TUNAR: variants seen among roughly 807,000 people sequenced by gnomAD.
TUNAR encodes protein TUNAR.
intron 2 of TUNAR, among the ~76,000 whole-genome samples, chr14:95,919,133 G>A (rs148535679): frequency 1.1e-3 from 168 of 152,282 alleles, no homozygotes; most frequent in African/African-American, 3.9e-3. Context: ...GACTTCTCAT[G>A]ACTTTGTGCA....
intron 2 of TUNAR, among the ~76,000 whole-genome samples, chr14:95,913,870 C>G (rs1293712390): frequency 1.3e-5 from 2 of 152,156 alleles, no homozygotes; most frequent in African/African-American, 4.8e-5. Flanking sequence ...GTAGCTGGGA[C>G]TACAGGTGCC....
chr14:95,886,365 C>A (rs1316593197), intron 2 of TUNAR, among the ~76,000 whole-genome samples: 1 of 152,214 alleles, frequency 6.6e-6, no homozygotes, highest in Non-Finnish European at 1.5e-5. Context: ...ACAAAGGGAA[C>A]ATGAAGAAGG....
At chr14:95,907,688 G>T (rs889591378) in intron 2 of TUNAR, among the ~76,000 whole-genome samples, 2 of 152,186 alleles carry the variant, frequency 1.3e-5, no homozygotes, top group African/African-American at 2.4e-5. Context: ...ATCCCATTGA[G>T]CGTACAGCTC....
At chr14:95,900,275 G>A (rs536182521) in intron 2 of TUNAR, among the ~76,000 whole-genome samples, 134 of 152,348 alleles carry the variant, frequency 8.8e-4, no homozygotes, top group Middle Eastern at 3.4e-3. Flanking sequence ...ACTGTGAGGC[G>A]AAGGGAAGGC....
At chr14:95,917,520 A>G (rs1473568779) in intron 2 of TUNAR, among the ~76,000 whole-genome samples, 1 of 152,240 alleles carries the variant, frequency 6.6e-6, no homozygotes, top group Non-Finnish European at 1.5e-5. Flanking sequence ...AAATATCACC[A>G]AAAACCCCAT....
At chr14:95,884,991 AG>A (rs1287061476) in intron 2 of TUNAR, among the ~76,000 whole-genome samples, 1 of 152,072 alleles carries the variant, frequency 6.6e-6, no homozygotes, top group Non-Finnish European at 1.5e-5. Flanking sequence ...CTTGGCAAGT[AG>A]GAGGGAAAGA....
At chr14:95,922,486 C>T (rs944370136) in intron 2 of TUNAR, among the ~76,000 whole-genome samples, 2 of 152,190 alleles carry the variant, frequency 1.3e-5, no homozygotes, top group Admixed American at 6.5e-5. Flanking sequence ...CCCAGTTTCT[C>T]CTTCAAGGGA....
chr14:95,924,470 T>C (rs1889752137), exon 3 of TUNAR: 1 of 152,268 alleles, frequency 6.6e-6, no homozygotes, highest in South Asian at 2.1e-4. Flanking sequence ...CTTCTGCCAT[T>C]GCCAGCTGTA....
At chr14:95,880,834 TAGAG>T (rs937496543) in intron 2 of TUNAR, among the ~76,000 whole-genome samples, 3 of 152,208 alleles carry the variant, frequency 2.0e-5, no homozygotes, top group African/African-American at 4.8e-5. Context: ...CATTTTCAGA[TAGAG>T]AGGGCATGAG....
chr14:95,925,247 T>A (rs181843726), exon 3 of TUNAR: 1 of 152,008 alleles, frequency 6.6e-6, no homozygotes, highest in East Asian at 1.9e-4. Flanking sequence ...TCTAGTGGAG[T>A]CAAGATCCAA....
chr14:95,916,368 G>A (rs111491638), intron 2 of TUNAR, among the ~76,000 whole-genome samples: 42 of 152,256 alleles, frequency 2.8e-4, no homozygotes, highest in African/African-American at 9.9e-4. Context: ...CCACATAAGT[G>A]GGAACATCCT....
chr14:95,880,548 A>G (rs1227706815), intron 2 of TUNAR, among the ~76,000 whole-genome samples: 7 of 152,210 alleles, frequency 4.6e-5, no homozygotes, highest in Non-Finnish European at 1.0e-4. Context: ...TAAGAAGACT[A>G]TGACATTCTA....
chr14:95,906,934 A>C (rs1889435217), intron 2 of TUNAR, among the ~76,000 whole-genome samples: 1 of 152,100 alleles, frequency 6.6e-6, no homozygotes, highest in Non-Finnish European at 1.5e-5. Flanking sequence ...CAGTCTCTTT[A>C]ATTTCTAGTT....
intron 2 of TUNAR, among the ~76,000 whole-genome samples, chr14:95,884,075 C>T (rs1236429765): frequency 6.6e-6 from 1 of 152,118 alleles, no homozygotes; most frequent in South Asian, 2.1e-4. Context: ...CTTCACCCAC[C>T]GCCGTGCTGT....
chr14:95,911,739 G>T (rs901414986), intron 2 of TUNAR, among the ~76,000 whole-genome samples: 3 of 152,254 alleles, frequency 2.0e-5, no homozygotes, highest in Non-Finnish European at 4.4e-5. Context: ...GTAATGGAAA[G>T]AATTTGGATA....
intron 2 of TUNAR, among the ~76,000 whole-genome samples, chr14:95,915,318 C>T (rs1446266354): frequency 1.3e-5 from 2 of 152,150 alleles, no homozygotes; most frequent in Non-Finnish European, 2.9e-5. Flanking sequence ...GTGAGCTGAG[C>T]TTTAAAAAGG....
chr14:95,920,790 A>T (rs1021955601), intron 2 of TUNAR, among the ~76,000 whole-genome samples: 3 of 152,260 alleles, frequency 2.0e-5, no homozygotes, highest in African/African-American at 7.2e-5. Context: ...CCCGTTTGTG[A>T]TCCTTCCTGG....
chr14:95,923,911 A>G (rs1309398535), exon 3 of TUNAR: 1 of 152,218 alleles, frequency 6.6e-6, no homozygotes, highest in Non-Finnish European at 1.5e-5. Flanking sequence ...TTATGCATGA[A>G]TAAGGGCTGA....
chr14:95,883,409 C>T (rs1247538793), intron 2 of TUNAR, among the ~76,000 whole-genome samples: 1 of 152,156 alleles, frequency 6.6e-6, no homozygotes, highest in Non-Finnish European at 1.5e-5. Flanking sequence ...CCCCAACACA[C>T]ACCATCATCC....
Sources: gnomAD v4.1 joint callset for allele counts (sites outside exome capture counted in the v4.1 genomes callset) on GRCh38, gnomAD v4.1.1 for gene constraint, MANE v1.5 for transcripts, NCBI Gene and HGNC (gene_info 2026-07-23, HGNC 2026-07-21) for gene names.